The following DCLK2 variants were observed in gnomAD, a reference collection of about 807,000 sequenced individuals.
DCLK2 encodes the protein serine/threonine-protein kinase DCLK2.
Under a neutral mutation model 78.4 loss-of-function variants are expected in DCLK2, and 31 were observed. That is an observed-to-expected ratio of 0.40 (90% CI 0.30 to 0.53). The LOEUF is 0.53. DCLK2 is among the 20% of genes least tolerant of loss of function. The pLI is 0.61. For synonymous variants in DCLK2, 407 were observed against 374.9 expected, an observed-to-expected ratio of 1.09 and a Z score of -0.99; for missense variants, 872 against 973.7, an observed-to-expected ratio of 0.90 and a Z score of 1.39.
At chr4:150,211,260 T>A (rs1461620940) in intron 5 of DCLK2, among the ~76,000 whole-genome samples, 1 of 152,104 alleles carries the variant, frequency 6.6e-6, no homozygotes, top group Non-Finnish European at 1.5e-5. Context: ...CTCTGTAAGT[T>A]GGCTTGAGTT....
chr4:150,226,351 T>C (rs1295506619), intron 8 of DCLK2, among the ~76,000 whole-genome samples: 1 of 152,104 alleles, frequency 6.6e-6, no homozygotes, highest in Non-Finnish European at 1.5e-5. Flanking sequence ...TAATTTGATA[T>C]GCTTTTACTT....
chr4:150,202,340 T>C (rs898433700), intron 4 of DCLK2, among the ~76,000 whole-genome samples: 2 of 152,234 alleles, frequency 1.3e-5, no homozygotes, highest in Non-Finnish European at 2.9e-5. Context: ...CATGTATTTG[T>C]TAATAAAATC....
chr4:150,250,822 G>A (rs967692994), intron 15 of DCLK2, among the ~76,000 whole-genome samples: 4 of 149,150 alleles, frequency 2.7e-5, no homozygotes, highest in African/African-American at 9.9e-5. Flanking sequence ...GGTCTAGATA[G>A]AAGCTATAAG....
chr4:150,135,908 A>G (rs1481319124), intron 2 of DCLK2, among the ~76,000 whole-genome samples: 2 of 152,224 alleles, frequency 1.3e-5, no homozygotes, highest in Admixed American at 6.5e-5. Context: ...GTGAGATGGA[A>G]ACCATGGACT....
intron 2 of DCLK2, among the ~76,000 whole-genome samples, chr4:150,157,314 C>T (rs1181545333): frequency 6.6e-6 from 1 of 150,920 alleles, no homozygotes; most frequent in Non-Finnish European, 1.5e-5. Flanking sequence ...AAGGTCTTGC[C>T]CTGTCACCCA....
At chr4:150,244,040 C>A (rs1310175235) in intron 12 of DCLK2, among the ~76,000 whole-genome samples, 1 of 151,998 alleles carries the variant, frequency 6.6e-6, no homozygotes, top group Non-Finnish European at 1.5e-5. Context: ...CTCAAGCAAT[C>A]CTCCTCCCTC....
chr4:150,179,138 C>T (rs1477729478), intron 2 of DCLK2, among the ~76,000 whole-genome samples: 2 of 152,140 alleles, frequency 1.3e-5, no homozygotes, highest in African/African-American at 4.8e-5. Flanking sequence ...CGCCATTCTC[C>T]TGCCTCAGCC....
intron 12 of DCLK2, among the ~76,000 whole-genome samples, chr4:150,245,574 G>T (rs1743243216): frequency 6.6e-6 from 1 of 151,908 alleles, no homozygotes; most frequent in South Asian, 2.1e-4. Context: ...GTGTCCAAGT[G>T]TTCTCATTGT....
intron 2 of DCLK2, among the ~76,000 whole-genome samples, chr4:150,114,478 TG>T (rs1731928074): frequency 6.6e-6 from 1 of 152,208 alleles, no homozygotes; most frequent in African/African-American, 2.4e-5. Flanking sequence ...TTCTTCATCG[TG>T]GTATTTTTTT....
chr4:150,198,920 C>CCG (rs1739263745), intron 4 of DCLK2: 1 of 621,824 alleles, frequency 1.6e-6, no homozygotes, highest in African/African-American at 1.8e-5. Context: ...ACCCCCCCCC[C>CCG]CACTTTCTGT....
chr4:150,237,867 T>G (rs1374664934), intron 10 of DCLK2, among the ~76,000 whole-genome samples: 1 of 152,240 alleles, frequency 6.6e-6, no homozygotes, highest in East Asian at 1.9e-4. Flanking sequence ...ACAATGAGTA[T>G]AGACTAGGTC....
At chr4:150,139,769 G>A (rs1733979290) in intron 2 of DCLK2, among the ~76,000 whole-genome samples, 1 of 152,188 alleles carries the variant, frequency 6.6e-6, no homozygotes, top group African/African-American at 2.4e-5. Context: ...TTTAGGGTAG[G>A]GAGGCTCAGC....
intron 10 of DCLK2, among the ~76,000 whole-genome samples, chr4:150,234,945 C>T (rs891513874): frequency 1.3e-5 from 2 of 152,128 alleles, no homozygotes; most frequent in Non-Finnish European, 2.9e-5. Flanking sequence ...GCCCGGGCTT[C>T]GCAAACAAAG....
intron 5 of DCLK2, among the ~76,000 whole-genome samples, chr4:150,210,466 T>G (rs1389425647): frequency 6.6e-6 from 1 of 152,152 alleles, no homozygotes; most frequent in Non-Finnish European, 1.5e-5. Flanking sequence ...TTTCCTGCCC[T>G]CTTCACATAC....
At chr4:150,200,223 T>G (rs781011014) in intron 4 of DCLK2, among the ~76,000 whole-genome samples, 13 of 152,224 alleles carry the variant, frequency 8.5e-5, no homozygotes, top group Non-Finnish European at 1.8e-4. Context: ...ACTTAGAAAC[T>G]GATTAAGGAA....
At chr4:150,102,859 C>T in intron 2 of DCLK2, 47 bp downstream of exon 2, 2 of 1,515,388 alleles carry the variant, frequency 1.3e-6, no homozygotes, top group Middle Eastern at 1.8e-4. Context: ...TTTAAACTCC[C>T]TGTGCCATGG....
At chr4:150,253,701 C>G in intron 15 of DCLK2, 1 of 1,201,894 alleles carries the variant, frequency 8.3e-7, no homozygotes, top group Non-Finnish European at 1.1e-6. Flanking sequence ...TCCTTTCCAG[C>G]CAGCCAAGCA....
At chr4:150,172,004 C>T (rs1736566565) in intron 2 of DCLK2, among the ~76,000 whole-genome samples, 1 of 152,194 alleles carries the variant, frequency 6.6e-6, no homozygotes, top group Non-Finnish European at 1.5e-5. Context: ...GCCTTCTCAT[C>T]TGCGTGTCTC....
At chr4:150,231,601 G>A (rs773060855) in intron 8 of DCLK2, among the ~76,000 whole-genome samples, 11 of 152,232 alleles carry the variant, frequency 7.2e-5, no homozygotes, top group Middle Eastern at 3.4e-3. Flanking sequence ...AGAATAATTC[G>A]TTAATTCTGT....
Sources: allele counts gnomAD v4.1 joint callset (sites outside exome capture counted in the v4.1 genomes callset), GRCh38; gene constraint gnomAD v4.1.1; transcripts MANE v1.5; gene names NCBI Gene and HGNC (gene_info 2026-07-23, HGNC 2026-07-21).